Variants in ZNF721 observed in about 807,000 individuals in gnomAD.
ZNF721 encodes the protein zinc finger protein 721.
Under a neutral mutation model 2.4 loss-of-function variants are expected in ZNF721, and 2 were observed. The ratio of observed to expected loss-of-function variants is 0.82; its 90% confidence interval spans 0.34 to 2.58. The LOEUF (loss-of-function observed/expected upper bound fraction) is 2.58, where lower values mean the gene tolerates loss of function less well. Among genes scored for constraint, ZNF721 ranks in the 30% most tolerant of loss-of-function variants. The pLI is 0.11. For synonymous variants in ZNF721, 398 were observed against 381.8 expected (o/e 1.04, Z -0.50); for missense variants, 1,187 against 1,085.5 (o/e 1.09, Z -1.31).
chr4:450,114 CAT>C (rs782439088), intron 2 of ZNF721, among the ~76,000 whole-genome samples: 3 of 152,162 alleles, frequency 2.0e-5, no homozygotes, highest in Admixed American at 6.5e-5. Context: ...TGCTGGATCA[CAT>C]GTTCTATTTT....
In ZNF721 at chr4:440,549, GTTCT is replaced by G. The variant is rs775724845; in HGVS notation, c.*1142_*1145del. On this transcript the variant is annotated 3_prime_UTR_variant, in exon 3 of 3. Coordinates refer to ENST00000511833, the MANE Select transcript of ZNF721 (RefSeq NM_133474.4). ...TAAAGTCTGAAGTGTTAGTTCCTTA[GTTCT>G]TTCTACTGTAAATCCTCTGATGTTT... The G allele has an allele frequency of 3.3e-5, 5 of 152,144 alleles. No homozygotes were observed. Among genetic ancestry groups the G allele is most frequent in the Non-Finnish European group, 5.9e-5 (4 of 68,010 alleles). 9.4% of individuals were successfully genotyped at this position (152,144 alleles called of 1,614,324 possible).
intron 2 of ZNF721, 37 bp from the exon 3 acceptor site, chr4:444,469 T>C (rs1553863943): frequency 6.6e-7 from 1 of 1,514,122 alleles, no homozygotes; most frequent in Non-Finnish European, 8.9e-7. Flanking sequence ...TCCCAGTTAC[T>C]AGATTCATAT....
At chr4:474,027 C>T (rs781983979) in intron 1 of ZNF721, 1 of 1,498,508 alleles carries the variant, frequency 6.7e-7, no homozygotes, top group Non-Finnish European at 9.0e-7. Context: ...TACGAATCAT[C>T]CAATACCCGC....
intron 2 of ZNF721, chr4:454,177 G>A (rs1005875929): frequency 6.6e-6 from 1 of 152,184 alleles, no homozygotes; most frequent in Non-Finnish European, 1.5e-5. Context: ...CTGGATATGT[G>A]GATACTACGG....
intron 1 of ZNF721, among the ~76,000 whole-genome samples, chr4:494,016 A>C (rs782078404): frequency 3.3e-5 from 5 of 152,210 alleles, no homozygotes; most frequent in African/African-American, 7.2e-5. Flanking sequence ...CATAAACTTC[A>C]AAAAGCATTT....
chr4:470,821 A>C (rs1231848945), intron 2 of ZNF721, among the ~76,000 whole-genome samples: 1 of 152,142 alleles, frequency 6.6e-6, no homozygotes, highest in Non-Finnish European at 1.5e-5. Flanking sequence ...CAACATGGTG[A>C]AACCCCACCT....
intron 1 of ZNF721, among the ~76,000 whole-genome samples, chr4:490,511 CACAA>C (rs1238843268): frequency 6.6e-6 from 1 of 152,006 alleles, no homozygotes; most frequent in African/African-American, 2.4e-5. Flanking sequence ...ATAAAATTAT[CACAA>C]ACAATTTCAC....
intron 1 of ZNF721, among the ~76,000 whole-genome samples, chr4:493,834 A>T (rs1350314431): frequency 1.3e-5 from 2 of 152,218 alleles, no homozygotes; most frequent in African/African-American, 2.4e-5. Context: ...TAGTTTTGTA[A>T]CTTCTATGCC....
intron 2 of ZNF721, among the ~76,000 whole-genome samples, chr4:454,226 C>T (rs868907961): frequency 2.0e-5 from 3 of 152,230 alleles, no homozygotes; most frequent in Admixed American, 6.5e-5. Context: ...GAGAGATACA[C>T]TTGGGGGTGG....
intron 1 of ZNF721, among the ~76,000 whole-genome samples, chr4:485,621 T>C (rs1218968221): frequency 6.6e-6 from 1 of 152,192 alleles, no homozygotes; most frequent in Non-Finnish European, 1.5e-5. Context: ...CAGCAGACAT[T>C]TGGGAGCATG....
intron 2 of ZNF721, chr4:454,214 CAGAG>C (rs1311748081): frequency 6.6e-6 from 1 of 152,212 alleles, no homozygotes; most frequent in African/African-American, 2.4e-5. Flanking sequence ...CTACAATGGA[CAGAG>C]AGATACACTT....
chr4:490,946 T>C (rs1553871381), intron 1 of ZNF721, among the ~76,000 whole-genome samples: 1 of 147,258 alleles, frequency 6.8e-6, no homozygotes. Flanking sequence ...AGTGCGAGAC[T>C]ACATCTCAAA....
intron 2 of ZNF721, among the ~76,000 whole-genome samples, chr4:462,316 T>C (rs1715094986): frequency 6.6e-6 from 1 of 152,200 alleles, no homozygotes; most frequent in Non-Finnish European, 1.5e-5. Flanking sequence ...TATCATGAAA[T>C]GGCCATACTG....
At chr4:453,284 T>C (rs797026280) in intron 2 of ZNF721, among the ~76,000 whole-genome samples, 2 of 152,204 alleles carry the variant, frequency 1.3e-5, no homozygotes, top group African/African-American at 2.4e-5. Flanking sequence ...TCTTGGTCAG[T>C]AGCAGATGGT....
At chr4:456,072 T>TTATG in intron 2 of ZNF721, among the ~76,000 whole-genome samples, 1 of 151,514 alleles carries the variant, frequency 6.6e-6, no homozygotes, top group South Asian at 2.1e-4. Context: ...ATTTATTTAT[T>TTATG]TATTTATTTA....
At chr4:474,099 G>A in intron 1 of ZNF721, 1 of 1,290,510 alleles carries the variant, frequency 7.7e-7, no homozygotes, top group South Asian at 1.2e-5. Context: ...CTGAGGTGTG[G>A]AAGCAGGGAA....
intron 2 of ZNF721, among the ~76,000 whole-genome samples, chr4:459,914 T>A (rs1553865845): frequency 6.6e-6 from 1 of 152,024 alleles, no homozygotes; most frequent in Admixed American, 6.6e-5. Context: ...TAAATATATA[T>A]GCACCCAATA....
intron 2 of ZNF721, among the ~76,000 whole-genome samples, chr4:456,943 A>C (rs563956701): frequency 1.3e-5 from 2 of 152,314 alleles, no homozygotes; most frequent in African/African-American, 2.4e-5. Flanking sequence ...TCCCCAGTAA[A>C]ATAGAGTTGA....
chr4:487,307 T>C (rs1251213109), intron 1 of ZNF721, among the ~76,000 whole-genome samples: 1 of 152,126 alleles, frequency 6.6e-6, no homozygotes, highest in African/African-American at 2.4e-5. Context: ...AATTCTTCCA[T>C]CTCTATGACA....
Sources: gnomAD v4.1 joint callset for allele counts (sites outside exome capture counted in the v4.1 genomes callset) on GRCh38, gnomAD v4.1.1 for gene constraint, MANE v1.5 for transcripts, NCBI Gene and HGNC (gene_info 2026-07-23, HGNC 2026-07-21) for gene names.